PSG7: variants seen among roughly 807,000 people sequenced by gnomAD.
PSG7 encodes the protein pregnancy-specific beta-1-glycoprotein 7.
A neutral mutation model predicts 45.6 loss-of-function variants in PSG7; 57 were observed. That is an observed-to-expected ratio of 1.25 (90% CI 1.01 to 1.56). PSG7 has a LOEUF of 1.56. Among genes scored for constraint, PSG7 ranks in the 40% most tolerant of loss-of-function variants. The probability of loss-of-function intolerance (pLI) is 0.00; values close to 1 mark genes in which losing one functional copy is unlikely to be tolerated. For missense variants in PSG7, 796 were observed against 508.4 expected (o/e 1.57, Z -5.44); for synonymous variants, 298 against 194.4 (o/e 1.53, Z -4.43).
intron 2 of PSG7, among the ~76,000 whole-genome samples, chr19:42,933,080 C>T (rs1973054533): frequency 6.7e-6 from 1 of 148,916 alleles, no homozygotes. Context: ...TCCCTCTGCC[C>T]ACATGATTCC....
chr19:42,928,729 T>C lies in PSG7; in HGVS notation c.709+713A>G, dbSNP rs141144791. 3.3e-4 allele frequency among the ~76,000 whole-genome samples: 50 copies of C among 151,498 alleles called. 1 individual carries two copies. The East Asian group carries it at 9.7e-3, about 29-fold the overall frequency. On this transcript the variant is annotated intron_variant, in intron 3 of 5. Coordinates refer to ENST00000406070, the MANE Select transcript of PSG7 (RefSeq NM_002783.3). ...CTGCAGAGGGCAGGTGGCTCTTCCCTGATAGCCAGATAGACTTCCCTGGAA... is the reference window on the plus strand; with the variant it reads ...CTGCAGAGGGCAGGTGGCTCTTCCCCGATAGCCAGATAGACTTCCCTGGAA...
At position 42,924,383 on chromosome 19, in the gene PSG7, A is replaced by G. The variant is rs1450002990; in HGVS notation, c.*425T>C. 6 of 438,228 alleles carry G rather than the reference A, an allele frequency of 1.4e-5. No individual in the cohort carries two copies. Among genetic ancestry groups the G allele is most frequent in the Admixed American group, 3.8e-5 (1 of 26,036 alleles). 27.1% of individuals were successfully genotyped at this position (438,228 alleles called of 1,614,324 possible). A position where few individuals can be genotyped will look rare whatever the true frequency, so the allele number is the denominator to read the frequency against. On this transcript the variant is annotated 3_prime_UTR_variant, in exon 6 of 6. Coordinates refer to ENST00000406070, the MANE Select transcript of PSG7 (RefSeq NM_002783.3). ...GAGCCACATTTCCTCCTGAGATGTT[A>G]TGTAAAAGTCTGAGGTTGAGATGAC... is the stretch of plus-strand genomic sequence containing the variant.
At chr19:42,932,111 C>A (rs1039199730) in intron 2 of PSG7, among the ~76,000 whole-genome samples, 1 of 151,370 alleles carries the variant, frequency 6.6e-6, no homozygotes, top group Admixed American at 6.6e-5. Flanking sequence ...GCAAGCTCCG[C>A]CTCCCGGTTT....
Position 42,933,870 on chromosome 19 carries a change from G to T in PSG7, c.430+1534C>A, listed in dbSNP as rs747048974. On this transcript the variant is annotated intron_variant, in intron 2 of 5. Transcript: ENST00000406070. ...AAAGAGCTTCAGAGTTACATGAGGT[G>T]GGGTGGCTTTAGGGGCAAGAGGTAG... Among the ~76,000 whole-genome samples, 15 of 151,336 alleles carry T rather than the reference G, an allele frequency of 9.9e-5. 2 individuals carry two copies. The highest frequency in any genetic ancestry group is 7.3e-4 in the Admixed American group (11 of 15,142).
At chr19:42,932,146 C>T (rs1183870184) in intron 2 of PSG7, among the ~76,000 whole-genome samples, 2 of 151,326 alleles carry the variant, frequency 1.3e-5, no homozygotes, top group South Asian at 2.1e-4. Flanking sequence ...GCCTCAGCCT[C>T]CCGAGTAGCT....
rs781972521 is a variant in PSG7, at chr19:42,935,604, T to A, written c.230A>T (p.His77Leu). 6 of 1,612,068 alleles carry A rather than the reference T, an allele frequency of 3.7e-6. No individual in the cohort carries two copies. Among genetic ancestry groups the A allele is most frequent in the African/African-American group, 1.3e-5 (1 of 74,540 alleles). ...WYKGQIRDLY[H>L]YVTSYIVDGQ... ...GTCTACTATATATGATGTAACATAA[T>A]GGTAGAGGTCCCTGATTTGTCCTTT... The change falls in exon 2 of 6, where the codon CAT becomes CTT. Residue 77 changes from histidine (H) to leucine (L), a missense_variant. Physicochemically the swap from His to Leu is moderately conservative, Grantham distance 99. Coordinates refer to ENST00000406070, the MANE Select transcript of PSG7 (RefSeq NM_002783.3).
Position 42,924,340 on chromosome 19 carries a change from C to T in PSG7, c.*468G>A, listed in dbSNP as rs960444302. 2 of 402,138 alleles carry T rather than the reference C, an allele frequency of 5.0e-6. No homozygotes were observed. Among genetic ancestry groups the T allele is most frequent in the Non-Finnish European group, 8.8e-6 (2 of 228,528 alleles). The allele number at this position is 402,138 out of a possible 1,614,324, so 24.9% of individuals were successfully genotyped here. A position where few individuals can be genotyped will look rare whatever the true frequency, so the allele number is the denominator to read the frequency against. ...TCTGTGTTCATTTCTATTGGGAGCC[C>T]TGTATGCAAGATGGAGAGAGCCACA... On this transcript the variant is annotated 3_prime_UTR_variant, in exon 6 of 6. Transcript: ENST00000406070.
intron 2 of PSG7, among the ~76,000 whole-genome samples, chr19:42,934,715 CT>C (rs1377352699): frequency 6.6e-6 from 1 of 151,598 alleles, no homozygotes; most frequent in African/African-American, 2.4e-5. Flanking sequence ...TCTGTTTCTG[CT>C]TCTGGGGATA....
chr19:42,926,996 G>C (rs1166133682), intron 3 of PSG7: 6 of 557,568 alleles, frequency 1.1e-5, no homozygotes, highest in Non-Finnish European at 1.8e-5. Context: ...ACAGCGCCTG[G>C]TACCCCTCCC....
chr19:42,929,994 C>A lies in PSG7; in HGVS notation c.431-274G>T, dbSNP rs903083783. Reference sequence around the variant, plus strand: ...AAAGACACAGGACCAGCAGTCACAGCTTCTGGTGCCTCTCTGAGTCCCTCC... The same window carrying A: ...AAAGACACAGGACCAGCAGTCACAGATTCTGGTGCCTCTCTGAGTCCCTCC... On this transcript the variant is annotated intron_variant, in intron 2 of 5. Coordinates refer to ENST00000406070, the MANE Select transcript of PSG7 (RefSeq NM_002783.3). Among the ~76,000 whole-genome samples, 5 of 151,602 alleles carry A rather than the reference C, an allele frequency of 3.3e-5. 1 individual carries two copies. The highest frequency in any genetic ancestry group is 5.9e-5 in the Non-Finnish European group (4 of 67,902).
intron 2 of PSG7, among the ~76,000 whole-genome samples, chr19:42,934,583 C>A (rs1973104644): frequency 6.6e-6 from 1 of 151,664 alleles, no homozygotes; most frequent in East Asian, 1.9e-4. Context: ...AGTCACCTGA[C>A]CTAATGCGTA....
Position 42,935,424 on chromosome 19 carries a change from C to T in PSG7, c.410G>A (p.Arg137His), listed in dbSNP as rs184987448. The change falls in exon 2 of 6, where the codon CGT (arginine) becomes CAT (histidine). Residue 137 changes from arginine to histidine, a missense_variant. Transcript: ENST00000406070. ...CTCACGGTATAAGGTGAAGGTGAAA[C>T]GTCCAGTTACTCCTCCAGTCCCATC... ...RGDGTGGVTG[R>H]FTFTLYLETP... 146 of 1,611,730 alleles carry T rather than the reference C, an allele frequency of 9.1e-5. 1 individual carries two copies. Among genetic ancestry groups the T allele is most frequent in the African/African-American group, 3.6e-4 (27 of 74,670 alleles).
At chr19:42,928,637 G>T (rs1972946445) in intron 3 of PSG7, among the ~76,000 whole-genome samples, 1 of 151,440 alleles carries the variant, frequency 6.6e-6, no homozygotes, top group Non-Finnish European at 1.5e-5. Context: ...GAAGGGTACA[G>T]GCAAAACCTG....
At chr19:42,935,797 T>G in intron 1 of PSG7, 28 bp from the exon 2 acceptor site, 1 of 1,589,460 alleles carries the variant, frequency 6.3e-7, no homozygotes, top group Non-Finnish European at 8.6e-7. Flanking sequence ...CATCAGTCAA[T>G]ATTGAGACCT....
At chr19:42,929,343 G>T (rs1972964264) in intron 3 of PSG7, 99 bp downstream of exon 3, 1 of 1,603,020 alleles carries the variant, frequency 6.2e-7, no homozygotes, top group South Asian at 1.1e-5. Context: ...AGGGGTAAAG[G>T]TCTACATACT....
At chr19:42,935,905 C>T (rs774031849) in intron 1 of PSG7, 136 bp from the exon 2 acceptor site, 3 of 1,221,362 alleles carry the variant, frequency 2.5e-6, no homozygotes, top group African/African-American at 1.6e-5. Flanking sequence ...CACACACACA[C>T]ACACACACAA....
At chr19:42,933,884 G>A (rs1413118078) in intron 2 of PSG7, among the ~76,000 whole-genome samples, 2 of 151,342 alleles carry the variant, frequency 1.3e-5, no homozygotes, top group Admixed American at 6.6e-5. Context: ...TGGCTTTAGG[G>A]GCAAGAGGTA....
Position 42,925,892 on chromosome 19 carries a change from G to T in PSG7, c.1124C>A (p.Ser375Ter), listed in dbSNP as rs192816757. The change falls in exon 5 of 6, where the codon TCA becomes TAA. Residue 375 changes from serine to a stop codon, truncating the protein, a stop_gained. Coordinates refer to ENST00000406070, the MANE Select transcript of PSG7 (RefSeq NM_002783.3). LOFTEE classifies it high-confidence loss of function. ...CTGGGGGATAGAAAGCTTTTGTCCT[G>T]ATAGCTGAAACTTCCCATTAATTGT... ...SWTINGKFQL[S>*]GQKLSIPQIT... 2.5e-6 allele frequency: 4 copies of T among 1,612,154 alleles called. No homozygotes were observed. The East Asian group carries it at 8.9e-5, about 36-fold the overall frequency.
chr19:42,925,661 C>CT, intron 5 of PSG7, 112 bp downstream of exon 5: 1 of 1,580,018 alleles, frequency 6.3e-7, no homozygotes, highest in Non-Finnish European at 8.6e-7. Flanking sequence ...TTGGGATTTG[C>CT]TTGTGCCCAT....
Sources: allele counts gnomAD v4.1 joint callset (sites outside exome capture counted in the v4.1 genomes callset), GRCh38; gene constraint gnomAD v4.1.1; transcripts MANE v1.5; gene names NCBI Gene and HGNC (gene_info 2026-07-23, HGNC 2026-07-21).